The following MARCHF1 variants were observed in gnomAD, a reference collection of about 807,000 sequenced individuals.
MARCHF1 encodes the protein membrane associated ring-CH-type finger 1.
In MARCHF1, 40 loss-of-function variants were observed where a neutral mutation model predicts 54.2. The ratio of observed to expected loss-of-function variants is 0.74; its 90% CI spans 0.57 to 0.96. MARCHF1 has a LOEUF of 0.96. MARCHF1 is among the 40% of genes least tolerant of loss of function. MARCHF1 has a pLI of 0.00. For missense variants in MARCHF1, 586 were observed against 656.5 expected (o/e 0.89, Z 1.17); for synonymous variants, 236 against 236.3 (o/e 1.00, Z 0.01).
At chr4:163,974,840 G>A (rs923921114) in intron 3 of MARCHF1, among the ~76,000 whole-genome samples, 4 of 152,146 alleles carry the variant, frequency 2.6e-5, no homozygotes, top group Non-Finnish European at 5.9e-5. Context: ...CTGTGAGGAA[G>A]TTTCTAAATG....
At chr4:164,304,708 G>A (rs959350520) in intron 1 of MARCHF1, among the ~76,000 whole-genome samples, 1 of 152,062 alleles carries the variant, frequency 6.6e-6, no homozygotes, top group African/African-American at 2.4e-5. Context: ...ACCTCTCAAT[G>A]CTTTCTGGTA....
At chr4:164,145,503 C>A (rs1729656822) in intron 1 of MARCHF1, among the ~76,000 whole-genome samples, 1 of 151,776 alleles carries the variant, frequency 6.6e-6, no homozygotes, top group Non-Finnish European at 1.5e-5. Context: ...CCCTGGGATG[C>A]AAGGCTGGTT....
At chr4:163,889,471 G>A (rs1750606728) in intron 3 of MARCHF1, among the ~76,000 whole-genome samples, 1 of 14,328 alleles carries the variant, frequency 7.0e-5, no homozygotes, top group South Asian at 0.015. Flanking sequence ...TGCAATGAGA[G>A]CAGGGAAAAT....
chr4:163,687,842 C>T (rs180773922), intron 5 of MARCHF1, among the ~76,000 whole-genome samples: 2 of 152,254 alleles, frequency 1.3e-5, no homozygotes, highest in African/African-American at 4.8e-5. Context: ...ATTTATATGT[C>T]ACCATTTCTT....
chr4:164,266,553 C>T (rs35573198), intron 1 of MARCHF1, among the ~76,000 whole-genome samples: 3,709 of 152,278 alleles, frequency 0.024, 80 homozygotes, highest in Non-Finnish European at 0.039. Flanking sequence ...TCAACACTAT[C>T]ATGTACCAGT....
chr4:164,242,118 A>G (rs932687149), intron 1 of MARCHF1, among the ~76,000 whole-genome samples: 2 of 151,936 alleles, frequency 1.3e-5, no homozygotes, highest in African/African-American at 2.4e-5. Flanking sequence ...AACTGGGTGG[A>G]GCCCACCACA....
chr4:163,545,079 A>T (rs1408374327), intron 9 of MARCHF1, among the ~76,000 whole-genome samples: 1 of 152,202 alleles, frequency 6.6e-6, no homozygotes, highest in African/African-American at 2.4e-5. Context: ...TGCAGACTTG[A>T]CACCATCCTT....
At chr4:163,756,065 T>A (rs1746657331) in intron 4 of MARCHF1, among the ~76,000 whole-genome samples, 1 of 152,204 alleles carries the variant, frequency 6.6e-6, no homozygotes, top group Non-Finnish European at 1.5e-5. Context: ...ATGCTTGTCA[T>A]TTTAAGGATA....
intron 1 of MARCHF1, among the ~76,000 whole-genome samples, chr4:164,350,410 T>A (rs1422943917): frequency 6.6e-6 from 1 of 152,038 alleles, no homozygotes; most frequent in South Asian, 2.1e-4. Context: ...CACAGCTAGA[T>A]AAGAGGAATA....
chr4:163,675,811 G>C (rs949568232), intron 5 of MARCHF1, among the ~76,000 whole-genome samples: 8 of 152,054 alleles, frequency 5.3e-5, no homozygotes, highest in African/African-American at 1.9e-4. Context: ...GGAGTTTACT[G>C]TTCCCTGCTA....
chr4:163,992,210 C>T (rs184342041), intron 2 of MARCHF1, among the ~76,000 whole-genome samples: 29 of 151,962 alleles, frequency 1.9e-4, no homozygotes, highest in Admixed American at 2.6e-4. Flanking sequence ...AAATTCAATT[C>T]GATAAACATT....
intron 4 of MARCHF1, among the ~76,000 whole-genome samples, chr4:163,729,884 A>G (rs954284684): frequency 6.6e-6 from 1 of 152,090 alleles, no homozygotes; most frequent in Non-Finnish European, 1.5e-5. Context: ...TTTGATTATA[A>G]TGTGTCTCAG....
intron 1 of MARCHF1, among the ~76,000 whole-genome samples, chr4:164,362,459 G>C (rs927371074): frequency 2.6e-5 from 4 of 152,086 alleles, no homozygotes; most frequent in African/African-American, 9.7e-5. Context: ...GGGCCATACA[G>C]GGAGCTAGAG....
intron 1 of MARCHF1, among the ~76,000 whole-genome samples, chr4:164,349,318 G>C (rs942342167): frequency 6.6e-6 from 1 of 151,934 alleles, no homozygotes; most frequent in Non-Finnish European, 1.5e-5. Flanking sequence ...AGTTAAATCT[G>C]AGAAAAGTTA....
chr4:164,376,503 A>T (rs566744024), intron 1 of MARCHF1, among the ~76,000 whole-genome samples: 3 of 152,322 alleles, frequency 2.0e-5, no homozygotes, highest in African/African-American at 7.2e-5. Flanking sequence ...CCCGGAGAGT[A>T]GGAGTGAGGC....
At chr4:164,198,528 A>G (rs767291544) in intron 1 of MARCHF1, among the ~76,000 whole-genome samples, 15 of 152,258 alleles carry the variant, frequency 9.9e-5, no homozygotes, top group African/African-American at 2.4e-4. Flanking sequence ...CCTATGTCCC[A>G]CATTGACAAA....
intron 5 of MARCHF1, among the ~76,000 whole-genome samples, chr4:163,640,306 G>A (rs1291826768): frequency 6.6e-6 from 1 of 152,148 alleles, no homozygotes; most frequent in African/African-American, 2.4e-5. Context: ...TGAGTTAAGA[G>A]TTTTATATGC....
chr4:163,776,273 T>C (rs1269905761), intron 4 of MARCHF1, among the ~76,000 whole-genome samples: 1 of 152,020 alleles, frequency 6.6e-6, no homozygotes, highest in Non-Finnish European at 1.5e-5. Context: ...TCAGGCTTTG[T>C]GTTCAAATCC....
chr4:164,345,984 G>A (rs951764468), intron 1 of MARCHF1, among the ~76,000 whole-genome samples: 5 of 152,154 alleles, frequency 3.3e-5, no homozygotes, highest in Admixed American at 1.3e-4. Context: ...AAATAAACAA[G>A]ATCAGGCTTT....
Sources: allele counts gnomAD v4.1 joint callset (sites outside exome capture counted in the v4.1 genomes callset), GRCh38; gene constraint gnomAD v4.1.1; transcripts MANE v1.5; gene names NCBI Gene and HGNC (gene_info 2026-07-23, HGNC 2026-07-21).